The following ANK1 variants were observed in gnomAD, a reference collection of about 807,000 sequenced individuals.
ANK1 encodes ankyrin 1.
Under a neutral mutation model 210.4 loss-of-function variants are expected in ANK1, and 51 were observed. That is an observed-to-expected ratio of 0.24 (90% CI 0.19 to 0.31). ANK1 has a LOEUF of 0.31. Among genes scored for constraint, ANK1 ranks in the 10% least tolerant of loss-of-function variants. The pLI is 1.00. For synonymous variants in ANK1, 967 were observed against 1,025.9 expected (o/e 0.94, Z 1.10); for missense variants, 2,051 against 2,504.4 (o/e 0.82, Z 3.86).
chr8:41,778,697 T>C (rs2150743919), intron 1 of ANK1, among the ~76,000 whole-genome samples: 1 of 152,358 alleles, frequency 6.6e-6, no homozygotes, highest in South Asian at 2.1e-4. Context: ...AACGATCGTA[T>C]AGCCTTTACA....
intron 31 of ANK1, among the ~76,000 whole-genome samples, chr8:41,691,817 T>A (rs1819344974): frequency 6.6e-6 from 1 of 152,218 alleles, no homozygotes. Context: ...AAGGTACCCA[T>A]AAATATGAGA....
intron 1 of ANK1, among the ~76,000 whole-genome samples, chr8:41,795,323 G>A (rs1269172992): frequency 6.6e-6 from 1 of 151,880 alleles, no homozygotes; most frequent in Non-Finnish European, 1.5e-5. Context: ...GACCAGCCTG[G>A]CCAACATGGT....
intron 1 of ANK1, among the ~76,000 whole-genome samples, chr8:41,804,722 T>C (rs1850663045): frequency 6.6e-6 from 1 of 152,178 alleles, no homozygotes; most frequent in Non-Finnish European, 1.5e-5. Context: ...ATATTCCAGA[T>C]TCTGAAAACT....
chr8:41,892,427 G>A (rs1218074098), intron 1 of ANK1, among the ~76,000 whole-genome samples: 1 of 152,100 alleles, frequency 6.6e-6, no homozygotes, highest in African/African-American at 2.4e-5. Context: ...TCCAGGCCTG[G>A]GCTTTCTTTT....
chr8:41,787,323 T>G (rs1466094669), intron 1 of ANK1, among the ~76,000 whole-genome samples: 1 of 152,218 alleles, frequency 6.6e-6, no homozygotes, highest in Non-Finnish European at 1.5e-5. Flanking sequence ...CATTTGGTAA[T>G]GAAAAGCCTC....
At chr8:41,789,923 G>A (rs1297171044) in intron 1 of ANK1, among the ~76,000 whole-genome samples, 2 of 152,234 alleles carry the variant, frequency 1.3e-5, no homozygotes, top group Middle Eastern at 3.4e-3. Context: ...AAAGGCAAGG[G>A]ATAAAACCCC....
rs752437797 is a variant in ANK1 at position 41,694,552 on chromosome 8, C to G, written c.3327+40G>C. The G allele has an allele frequency of 3.6e-5, 58 of 1,589,886 alleles. No individual in the cohort carries two copies. The highest frequency in any genetic ancestry group is 4.6e-5 in the Non-Finnish European group (53 of 1,163,904). On this transcript the variant is annotated intron_variant, in intron 28 of 42. Transcript: ENST00000289734. This position sits in a 1 kb window ranked among gnomAD's most constrained non-coding sequence, Gnocchi z 5.7. ...GTGGCCTTCCCGGAGGCCTGGAGTTCAGTCCACCCCCAGGACCTGGCGGGG... is the reference window on the plus strand; with the variant it reads ...GTGGCCTTCCCGGAGGCCTGGAGTTGAGTCCACCCCCAGGACCTGGCGGGG...
chr8:41,872,914 ACAAAGG>A (rs1815842254), intron 1 of ANK1, among the ~76,000 whole-genome samples: 8 of 152,206 alleles, frequency 5.3e-5, no homozygotes, highest in Admixed American at 5.2e-4. Context: ...GTCTCTGTTG[ACAAAGG>A]CAGAGATTTT....
At chr8:41,776,838 G>A (rs1361360243) in intron 1 of ANK1, among the ~76,000 whole-genome samples, 1 of 152,152 alleles carries the variant, frequency 6.6e-6, no homozygotes, top group Non-Finnish European at 1.5e-5. Flanking sequence ...CTTTCAACGG[G>A]GTGCTTAGCA....
chr8:41,835,499 C>A (rs576258850), intron 1 of ANK1, among the ~76,000 whole-genome samples: 3 of 151,824 alleles, frequency 2.0e-5, no homozygotes, highest in Admixed American at 2.0e-4. Flanking sequence ...AGCTAGCAGG[C>A]GTATATTCTG....
intron 1 of ANK1, among the ~76,000 whole-genome samples, chr8:41,807,849 T>G (rs1197939950): frequency 1.5e-5 from 2 of 135,322 alleles, no homozygotes; most frequent in African/African-American, 2.8e-5. Context: ...AAGAAGGGAG[T>G]GGGAAGGAGA....
At position 41,706,240 on chromosome 8, in the gene ANK1, C is replaced by T; in HGVS notation, c.2000G>A (p.Ser667Asn). The change falls in exon 18 of 43, where the codon AGC (serine) becomes AAC (asparagine). Residue 667 changes from serine to asparagine, a missense_variant and splice_region_variant. Ser to Asn is a conservative substitution (Grantham distance 46). Around this residue, in one of 6 missense-constraint regions of ANK1, gnomAD observed 1,413 missense variants for 1,707.4 expected, o/e 0.83. Coordinates refer to ENST00000289734, the MANE Select transcript of ANK1 (RefSeq NM_000037.4). Reference sequence around the variant, plus strand: ...TACCAGATGGAGGGGAGTGAGTCCGCTCTGCAAAGAAAAAGACGTTCATCA... The same window carrying T: ...TACCAGATGGAGGGGAGTGAGTCCGTTCTGCAAAGAAAAAGACGTTCATCA... ...KQANGNLGNK[S>N]GLTPLHLVAQ... The T allele has an allele frequency of 6.2e-7, 1 of 1,613,908 alleles. No homozygotes were observed. Among genetic ancestry groups the T allele is most frequent in the Non-Finnish European group, 8.5e-7 (1 of 1,179,876 alleles).
intron 1 of ANK1, among the ~76,000 whole-genome samples, chr8:41,877,788 A>T (rs907282083): frequency 2.0e-5 from 3 of 152,236 alleles, no homozygotes; most frequent in African/African-American, 7.2e-5. Context: ...ATCTGAGCTA[A>T]GGACAACAAA....
chr8:41,844,900 C>A (rs1213643644), intron 1 of ANK1, among the ~76,000 whole-genome samples: 1 of 152,108 alleles, frequency 6.6e-6, no homozygotes, highest in Non-Finnish European at 1.5e-5. Flanking sequence ...TGAGCAGGAG[C>A]CCGCCTCCTG....
intron 42 of ANK1, among the ~76,000 whole-genome samples, chr8:41,657,675 G>A (rs1433809534): frequency 6.6e-6 from 1 of 152,208 alleles, no homozygotes; most frequent in Non-Finnish European, 1.5e-5. Flanking sequence ...CTGAGCAGAA[G>A]AGAAAGTTCA....
intron 9 of ANK1, among the ~76,000 whole-genome samples, chr8:41,720,351 G>A (rs575159116): frequency 1.3e-5 from 2 of 152,248 alleles, no homozygotes; most frequent in East Asian, 3.9e-4. Flanking sequence ...ATGAATGAAT[G>A]AATGAATTAT....
intron 1 of ANK1, among the ~76,000 whole-genome samples, chr8:41,764,564 C>T (rs1210221291): frequency 6.6e-6 from 1 of 152,230 alleles, no homozygotes; most frequent in Non-Finnish European, 1.5e-5. Flanking sequence ...GAGGCCTGCT[C>T]ATCCTATACA....
chr8:41,752,693 C>T (rs529259506), intron 2 of ANK1, among the ~76,000 whole-genome samples: 2 of 151,996 alleles, frequency 1.3e-5, no homozygotes, highest in Non-Finnish European at 2.9e-5. Flanking sequence ...CTCAGTGCCC[C>T]ATCCAATCCA....
chr8:41,714,844 A>C, intron 15 of ANK1, 132 bp downstream of exon 15: 1 of 933,916 alleles, frequency 1.1e-6, no homozygotes, highest in Non-Finnish European at 1.7e-6. Context: ...TGGGCAACAG[A>C]GCGAGACCCT....
Sources: gnomAD v4.1 joint callset for allele counts (sites outside exome capture counted in the v4.1 genomes callset) on GRCh38, gnomAD v4.1.1 for gene constraint, gnomAD v4.1.1 regional missense constraint, Gnocchi (gnomAD v3.1) non-coding constraint, MANE v1.5 for transcripts, NCBI Gene and HGNC (gene_info 2026-07-23, HGNC 2026-07-21) for gene names.